PCDH9: variants seen among roughly 807,000 people sequenced by gnomAD.
PCDH9 encodes protocadherin-9.
A neutral mutation model predicts 70.6 loss-of-function variants in PCDH9; 24 were observed. The ratio of observed to expected loss-of-function variants is 0.34; its 90% CI spans 0.25 to 0.48. The LOEUF (loss-of-function observed/expected upper bound fraction) is 0.48. PCDH9 is among the 20% of genes least tolerant of loss of function. The pLI is 0.99. For missense variants in PCDH9, 1,281 were observed against 1,503.6 expected (o/e 0.85, Z 2.45); for synonymous variants, 562 against 558.5 (o/e 1.01, Z -0.09).
intron 3 of PCDH9, among the ~76,000 whole-genome samples, chr13:66,846,773 T>C (rs1192226038): frequency 6.6e-6 from 1 of 152,088 alleles, no homozygotes; most frequent in African/African-American, 2.4e-5. Flanking sequence ...TTTTAAAGTA[T>C]ATTTTCTTTT....
intron 4 of PCDH9, among the ~76,000 whole-genome samples, chr13:66,451,468 A>C (rs1480624431): frequency 6.6e-6 from 1 of 152,198 alleles, no homozygotes; most frequent in African/African-American, 2.4e-5. Context: ...GATTAATTTC[A>C]ATATGCCTTT....
intron 4 of PCDH9, among the ~76,000 whole-genome samples, chr13:66,321,168 G>A (rs1955746470): frequency 6.6e-6 from 1 of 151,958 alleles, no homozygotes; most frequent in African/African-American, 2.4e-5. Flanking sequence ...AAGTTCTATG[G>A]CATTAAGTTG....
intron 3 of PCDH9, among the ~76,000 whole-genome samples, chr13:66,675,875 G>A (rs532882718): frequency 1.7e-4 from 26 of 152,136 alleles, no homozygotes; most frequent in African/African-American, 6.3e-4. Flanking sequence ...CTTTTTGTTC[G>A]CAGAAGTATG....
At chr13:66,410,099 A>T (rs1214999985) in intron 4 of PCDH9, among the ~76,000 whole-genome samples, 2 of 152,158 alleles carry the variant, frequency 1.3e-5, no homozygotes, top group African/African-American at 4.8e-5. Context: ...ATAACAGTCA[A>T]GTATGAGAAA....
chr13:66,778,047 CT>C (rs1434889545), intron 3 of PCDH9, among the ~76,000 whole-genome samples: 2 of 147,300 alleles, frequency 1.4e-5, no homozygotes, highest in African/African-American at 2.5e-5. Flanking sequence ...AAACCAAGCA[CT>C]GCATATTCTC....
At chr13:66,879,950 A>C (rs2081893607) in intron 3 of PCDH9, 1 of 152,172 alleles carries the variant, frequency 6.6e-6, no homozygotes, top group Non-Finnish European at 1.5e-5. Flanking sequence ...AAAAAAAAAC[A>C]GTTTATTACA....
intron 2 of PCDH9, among the ~76,000 whole-genome samples, chr13:67,006,885 T>C (rs1043180546): frequency 6.6e-6 from 1 of 152,146 alleles, no homozygotes; most frequent in African/African-American, 2.4e-5. Context: ...TAAAGGAAAA[T>C]ACAACTTCAA....
intron 2 of PCDH9, among the ~76,000 whole-genome samples, chr13:67,083,967 A>G (rs1356076788): frequency 2.6e-5 from 4 of 152,304 alleles, no homozygotes; most frequent in South Asian, 4.1e-4. Flanking sequence ...TTTCTAGTAT[A>G]TGCCAAACAG....
rs1337267143 is a variant in PCDH9, at chr13:66,921,938, C to A, written c.3037-18333G>T. Among the ~76,000 whole-genome samples the A allele has an allele frequency of 2.6e-5, 4 of 151,192 alleles. No homozygotes were observed. The East Asian group carries it at 7.8e-4, about 29-fold the overall frequency. On this transcript the variant is annotated intron_variant, in intron 2 of 4. Coordinates refer to ENST00000377865, the MANE Select transcript of PCDH9 (RefSeq NM_203487.3). ...AATCAATTTGTAGAACAATTAAGGT[C>A]AATTTACTGTTCAATTTAAGGTCAA...
At chr13:66,331,508 G>A (rs764089680) in intron 4 of PCDH9, among the ~76,000 whole-genome samples, 3 of 152,144 alleles carry the variant, frequency 2.0e-5, no homozygotes, top group Non-Finnish European at 4.4e-5. Flanking sequence ...TCATATAAGT[G>A]ATCAAAACTT....
intron 3 of PCDH9, among the ~76,000 whole-genome samples, chr13:66,690,309 T>C (rs889463855): frequency 2.6e-5 from 4 of 152,130 alleles, no homozygotes; most frequent in Admixed American, 2.6e-4. Flanking sequence ...TAGGCAAATA[T>C]AGAATTGTCT....
chr13:66,484,976 T>C (rs1958914418), intron 4 of PCDH9, among the ~76,000 whole-genome samples: 1 of 152,242 alleles, frequency 6.6e-6, no homozygotes, highest in Non-Finnish European at 1.5e-5. Flanking sequence ...CTCTCTAGTA[T>C]TAAAAATAAA....
intron 4 of PCDH9, among the ~76,000 whole-genome samples, chr13:66,404,306 G>T (rs960886743): frequency 1.3e-5 from 2 of 152,228 alleles, no homozygotes; most frequent in East Asian, 1.9e-4. Flanking sequence ...ATAAAGCAAA[G>T]AAATTATAGT....
At chr13:66,871,430 T>TA (rs58553968) in intron 3 of PCDH9, among the ~76,000 whole-genome samples, 65,654 of 150,522 alleles carry the variant, frequency 0.44, 14,764 homozygotes, top group African/African-American at 0.54. Flanking sequence ...TAAATAAAAT[T>TA]AAAAAAAATC....
chr13:67,149,964 TA>T lies in PCDH9; in HGVS notation c.3036+75440del, dbSNP rs1594579125. Among the ~76,000 whole-genome samples, 3 of 152,302 alleles carry T rather than the reference TA, an allele frequency of 2.0e-5. No individual in the cohort carries two copies. The East Asian group carries it at 5.8e-4, about 29-fold the overall frequency. ...ACTTTTGAAGCCAAAATTTCAAAAA[TA>T]AAAGTCTTTTCAGGTCATATGTAGG... On this transcript the variant is annotated intron_variant, in intron 2 of 4. Transcript: ENST00000377865.
intron 2 of PCDH9, among the ~76,000 whole-genome samples, chr13:67,011,166 T>C (rs1001176782): frequency 3.3e-5 from 5 of 151,900 alleles, no homozygotes; most frequent in Non-Finnish European, 5.9e-5. Flanking sequence ...AACTCTATGA[T>C]AAAGTAATGT....
chr13:66,883,999 T>A (rs1594204464), intron 3 of PCDH9, among the ~76,000 whole-genome samples: 1 of 149,952 alleles, frequency 6.7e-6, no homozygotes, highest in Non-Finnish European at 1.5e-5. Context: ...GCCTCCCAGG[T>A]TCAAGCGATT....
intron 4 of PCDH9, among the ~76,000 whole-genome samples, chr13:66,347,406 G>A (rs140546740): frequency 1.3e-5 from 2 of 152,138 alleles, no homozygotes; most frequent in South Asian, 2.1e-4. Context: ...GGCTATGGTG[G>A]AGACTGCAAA....
At chr13:66,911,619 A>T (rs866795483) in intron 2 of PCDH9, among the ~76,000 whole-genome samples, 2 of 152,104 alleles carry the variant, frequency 1.3e-5, no homozygotes, top group African/African-American at 2.4e-5. Flanking sequence ...TCAAACACTA[A>T]TGGTCTACAC....
Sources: allele counts gnomAD v4.1 joint callset (sites outside exome capture counted in the v4.1 genomes callset), GRCh38; gene constraint gnomAD v4.1.1; transcripts MANE v1.5; gene names NCBI Gene and HGNC (gene_info 2026-07-23, HGNC 2026-07-21).